Variants in PPFIA2 observed in about 807,000 individuals in gnomAD.
PPFIA2 encodes the protein liprin-alpha-2.
In PPFIA2, 46 loss-of-function variants were observed where a neutral mutation model predicts 175.5. That is an observed-to-expected ratio of 0.26 (90% CI 0.21 to 0.34). The LOEUF is 0.34. Among genes scored for constraint, PPFIA2 ranks in the 10% least tolerant of loss-of-function variants. PPFIA2 has a pLI of 1.00. For synonymous variants in PPFIA2, 568 were observed against 511.4 expected (o/e 1.11, Z -1.49); for missense variants, 1,179 against 1,506.1 (o/e 0.78, Z 3.60).
intron 3 of PPFIA2, among the ~76,000 whole-genome samples, chr12:81,727,089 C>T (rs927150241): frequency 1.3e-5 from 2 of 151,286 alleles, no homozygotes; most frequent in Non-Finnish European, 1.5e-5. Context: ...GCAACATATT[C>T]TAGCAAAAGC....
intron 4 of PPFIA2, among the ~76,000 whole-genome samples, chr12:81,609,476 T>C (rs2060665996): frequency 6.6e-6 from 1 of 152,170 alleles, no homozygotes; most frequent in Non-Finnish European, 1.5e-5. Flanking sequence ...TATGTATACA[T>C]TTAGAATGGT....
chr12:81,729,082 T>C (rs2080479266), intron 3 of PPFIA2, among the ~76,000 whole-genome samples: 1 of 151,484 alleles, frequency 6.6e-6, no homozygotes, highest in Admixed American at 6.6e-5. Context: ...GAATGGACCC[T>C]TGACCAAAAA....
intron 7 of PPFIA2, among the ~76,000 whole-genome samples, chr12:81,437,422 G>A (rs1020682856): frequency 1.6e-4 from 25 of 152,210 alleles, no homozygotes; most frequent in African/African-American, 5.5e-4. Flanking sequence ...ATAGAGACAG[G>A]GTTTCACCGT....
intron 4 of PPFIA2, among the ~76,000 whole-genome samples, chr12:81,548,012 T>C (rs1431535343): frequency 6.6e-6 from 1 of 152,244 alleles, no homozygotes; most frequent in Non-Finnish European, 1.5e-5. Flanking sequence ...TGCTAGGTAC[T>C]ATAGCAAGTG....
chr12:81,437,321 C>T (rs2049252697), intron 7 of PPFIA2, among the ~76,000 whole-genome samples: 1 of 152,156 alleles, frequency 6.6e-6, no homozygotes, highest in Non-Finnish European at 1.5e-5. Context: ...GCTCTGCCTC[C>T]AGGGTTCACG....
chr12:81,623,092 G>T (rs959282639), intron 4 of PPFIA2, among the ~76,000 whole-genome samples: 3 of 152,064 alleles, frequency 2.0e-5, no homozygotes, highest in Non-Finnish European at 4.4e-5. Flanking sequence ...CTATCTTGGG[G>T]AAAGAAGAAG....
In PPFIA2 at chr12:81,711,063, C is replaced by T. The variant is rs558339764; in HGVS notation, c.250-34219G>A. 1.9e-4 allele frequency among the ~76,000 whole-genome samples: 28 copies of T among 151,012 alleles called. No individual in the cohort carries two copies. The South Asian group carries it at 5.8e-3, about 31-fold the overall frequency. On this transcript the variant is annotated intron_variant, in intron 3 of 32. Transcript: ENST00000549396. Reference sequence around the variant, plus strand: ...TTGGAAACATAGAGAGACCTCTTCACCATTAAAAATCAAAAACATTAGCCA... The same window carrying T: ...TTGGAAACATAGAGAGACCTCTTCATCATTAAAAATCAAAAACATTAGCCA...
At chr12:81,332,850 T>A (rs1367364125) in intron 21 of PPFIA2, among the ~76,000 whole-genome samples, 2 of 152,164 alleles carry the variant, frequency 1.3e-5, no homozygotes, top group East Asian at 1.9e-4. Flanking sequence ...AGTTTCGATA[T>A]GTATAGAATG....
chr12:81,616,052 G>A (rs971603117), intron 4 of PPFIA2, among the ~76,000 whole-genome samples: 1 of 152,134 alleles, frequency 6.6e-6, no homozygotes, highest in Non-Finnish European at 1.5e-5. Flanking sequence ...TGTGGTGATG[G>A]GAGTCTGTGC....
intron 8 of PPFIA2, among the ~76,000 whole-genome samples, chr12:81,397,742 C>T (rs2041402076): frequency 6.6e-6 from 1 of 151,912 alleles, no homozygotes; most frequent in Non-Finnish European, 1.5e-5. Context: ...TGTTTGGGAC[C>T]AGACTTCTCA....
chr12:81,554,754 G>A (rs1286849477), intron 4 of PPFIA2, among the ~76,000 whole-genome samples: 2 of 152,162 alleles, frequency 1.3e-5, no homozygotes, highest in South Asian at 2.1e-4. Context: ...CTTAGATCAG[G>A]TGGACATTTA....
intron 4 of PPFIA2, among the ~76,000 whole-genome samples, chr12:81,469,283 C>A (rs977496280): frequency 1.3e-5 from 2 of 152,124 alleles, no homozygotes; most frequent in African/African-American, 4.8e-5. Context: ...ATTTACTCGA[C>A]AAAATTTTAT....
intron 4 of PPFIA2, among the ~76,000 whole-genome samples, chr12:81,503,638 G>C (rs1256760319): frequency 6.6e-6 from 1 of 150,614 alleles, no homozygotes; most frequent in Non-Finnish European, 1.5e-5. Context: ...TAAACTTATA[G>C]ATAAACTGTG....
chr12:81,535,580 C>G (rs1312174414), intron 4 of PPFIA2: 1 of 396,288 alleles, frequency 2.5e-6, no homozygotes, highest in Non-Finnish European at 5.0e-6. Context: ...TAGATACTAC[C>G]TTGGCAAGGG....
chr12:81,442,750 T>A (rs4842298), intron 6 of PPFIA2, among the ~76,000 whole-genome samples: 1 of 146,924 alleles, frequency 6.8e-6, no homozygotes, highest in South Asian at 2.2e-4. Context: ...TCAATCCTTG[T>A]AGAGTTTATT....
chr12:81,326,269 A>C (rs2054737046), intron 21 of PPFIA2, among the ~76,000 whole-genome samples: 1 of 152,134 alleles, frequency 6.6e-6, no homozygotes, highest in South Asian at 2.1e-4. Flanking sequence ...GCAATATTTC[A>C]CATATAATGG....
chr12:81,590,556 C>G (rs1015403220), intron 4 of PPFIA2, among the ~76,000 whole-genome samples: 7 of 151,970 alleles, frequency 4.6e-5, no homozygotes, highest in Non-Finnish European at 7.4e-5. Flanking sequence ...ACCCAAATCT[C>G]ACCTTGAATT....
chr12:81,537,880 T>C (rs1000714587), intron 4 of PPFIA2, among the ~76,000 whole-genome samples: 2 of 151,974 alleles, frequency 1.3e-5, no homozygotes, highest in South Asian at 4.1e-4. Context: ...TCTTACTGAA[T>C]ATTCCCTAGA....
chr12:81,661,358 A>G (rs2068832051), intron 4 of PPFIA2, among the ~76,000 whole-genome samples: 1 of 152,230 alleles, frequency 6.6e-6, no homozygotes, highest in Admixed American at 6.5e-5. Context: ...AGGAAGATCT[A>G]CCAAGCAAAT....
Sources: gnomAD v4.1 joint callset for allele counts (sites outside exome capture counted in the v4.1 genomes callset) on GRCh38, gnomAD v4.1.1 for gene constraint, MANE v1.5 for transcripts, NCBI Gene and HGNC (gene_info 2026-07-23, HGNC 2026-07-21) for gene names.